GPC6: variants seen among roughly 807,000 people sequenced by gnomAD.
GPC6 encodes glypican 6.
A neutral mutation model predicts 55.2 loss-of-function variants in GPC6; 14 were observed. The ratio of observed to expected loss-of-function variants is 0.25; its 90% CI spans 0.17 to 0.40. The LOEUF is 0.40. GPC6 is among the 10% of genes least tolerant of loss of function. The pLI, the probability that GPC6 is intolerant of heterozygous loss-of-function variation, is 1.00. For missense variants in GPC6, 641 were observed against 708.5 expected, an observed-to-expected ratio of 0.90 and a Z score of 1.08; for synonymous variants, 278 against 259.6, an observed-to-expected ratio of 1.07 and a Z score of -0.68.
chr13:94,388,491 A>G (rs1250487141), intron 7 of GPC6, among the ~76,000 whole-genome samples: 1 of 152,238 alleles, frequency 6.6e-6, no homozygotes, highest in African/African-American at 2.4e-5. Flanking sequence ...CGCAATGCAG[A>G]ATATCATCCA....
intron 1 of GPC6, among the ~76,000 whole-genome samples, chr13:93,306,135 T>C (rs956586144): frequency 3.3e-5 from 5 of 152,188 alleles, no homozygotes; most frequent in Non-Finnish European, 7.4e-5. Flanking sequence ...TTCCAATGTA[T>C]GTTATTGACA....
chr13:93,939,261 T>C (rs1878600526), intron 3 of GPC6, among the ~76,000 whole-genome samples: 1 of 151,246 alleles, frequency 6.6e-6, no homozygotes, highest in African/African-American at 2.4e-5. Context: ...TCTTTAATGT[T>C]TTGAGAAAAA....
intron 1 of GPC6, among the ~76,000 whole-genome samples, chr13:93,354,892 C>T (rs1880790134): frequency 6.6e-6 from 1 of 152,100 alleles, no homozygotes; most frequent in Admixed American, 6.5e-5. Flanking sequence ...AAAGAGAAAT[C>T]CCAGGACCAG....
At chr13:94,025,297 A>C (rs1158562222) in intron 3 of GPC6, among the ~76,000 whole-genome samples, 1 of 152,244 alleles carries the variant, frequency 6.6e-6, no homozygotes, top group East Asian at 1.9e-4. Flanking sequence ...TTTGCAAGTT[A>C]GTAACCATGC....
intron 1 of GPC6, among the ~76,000 whole-genome samples, chr13:93,517,756 A>G (rs1881256024): frequency 6.6e-6 from 1 of 152,024 alleles, no homozygotes; most frequent in African/African-American, 2.4e-5. Flanking sequence ...AAGAGCTCTT[A>G]ATAACTCCAG....
At chr13:93,985,249 C>T (rs1280141273) in intron 3 of GPC6, among the ~76,000 whole-genome samples, 1 of 152,016 alleles carries the variant, frequency 6.6e-6, no homozygotes, top group East Asian at 1.9e-4. Context: ...CCTGGCCAAC[C>T]AACATGGTGA....
intron 1 of GPC6, among the ~76,000 whole-genome samples, chr13:93,405,753 T>C (rs926428938): frequency 6.6e-6 from 1 of 152,208 alleles, no homozygotes; most frequent in South Asian, 2.1e-4. Context: ...AGATATGTTA[T>C]ATAAGTTATC....
intron 4 of GPC6, among the ~76,000 whole-genome samples, chr13:94,189,918 G>A (rs1451247299): frequency 1.3e-5 from 2 of 152,058 alleles, no homozygotes; most frequent in African/African-American, 4.8e-5. Context: ...CTACTCAGGA[G>A]GCTGAGGCAG....
intron 3 of GPC6, among the ~76,000 whole-genome samples, chr13:93,833,144 AG>A: frequency 7.1e-6 from 1 of 140,558 alleles, no homozygotes; most frequent in African/African-American, 2.7e-5. Flanking sequence ...AGAGAGAGAG[AG>A]AGAGAGAGAG....
At chr13:94,174,487 G>A (rs1259519200) in intron 4 of GPC6, among the ~76,000 whole-genome samples, 1 of 152,132 alleles carries the variant, frequency 6.6e-6, no homozygotes, top group Non-Finnish European at 1.5e-5. Context: ...AGAGACAGAT[G>A]TAGGTGAACA....
chr13:93,315,008 T>A (rs1879200048), intron 1 of GPC6, among the ~76,000 whole-genome samples: 1 of 152,094 alleles, frequency 6.6e-6, no homozygotes, highest in African/African-American at 2.4e-5. Flanking sequence ...GTATTCAAGT[T>A]AAAAGTTGAA....
intron 4 of GPC6, among the ~76,000 whole-genome samples, chr13:94,112,435 C>A (rs1886281390): frequency 6.6e-6 from 1 of 152,186 alleles, no homozygotes; most frequent in South Asian, 2.1e-4. Context: ...AATTCGCACA[C>A]ACACTCATTA....
intron 4 of GPC6, among the ~76,000 whole-genome samples, chr13:94,148,415 G>A (rs1887631865): frequency 1.3e-5 from 2 of 152,106 alleles, no homozygotes; most frequent in Non-Finnish European, 2.9e-5. Flanking sequence ...TTGTTTACAA[G>A]GGTGTCCTGA....
intron 1 of GPC6, among the ~76,000 whole-genome samples, chr13:93,514,412 A>G (rs1881105994): frequency 6.6e-6 from 1 of 152,214 alleles, no homozygotes; most frequent in South Asian, 2.1e-4. Flanking sequence ...AATAACATTA[A>G]GGAACAAGAA....
chr13:93,789,945 A>G (rs1484311360), intron 2 of GPC6, among the ~76,000 whole-genome samples: 1 of 152,066 alleles, frequency 6.6e-6, no homozygotes, highest in Non-Finnish European at 1.5e-5. Context: ...AAACTCTTTG[A>G]ATATGCATTT....
intron 1 of GPC6, among the ~76,000 whole-genome samples, chr13:93,313,148 C>T (rs77476458): frequency 0.016 from 2,477 of 152,218 alleles, 101 homozygotes; most frequent in Admixed American, 0.097. Context: ...CTATTAGATG[C>T]TCTTGTTTTG....
chr13:93,422,338 TAAG>T (rs1194038868), intron 1 of GPC6, among the ~76,000 whole-genome samples: 12 of 152,232 alleles, frequency 7.9e-5, no homozygotes, highest in Admixed American at 6.5e-4. Context: ...TTTCTGTCTT[TAAG>T]CTCTTAAAGT....
chr13:94,094,639 A>G (rs1162768726), intron 4 of GPC6, among the ~76,000 whole-genome samples: 3 of 152,098 alleles, frequency 2.0e-5, no homozygotes, highest in Non-Finnish European at 4.4e-5. Context: ...ATGTACTTGT[A>G]TTTCTTATTA....
chr13:94,015,522 A>G (rs1246638467), intron 3 of GPC6, among the ~76,000 whole-genome samples: 2 of 152,142 alleles, frequency 1.3e-5, no homozygotes, highest in Non-Finnish European at 2.9e-5. Flanking sequence ...TTTCATTTTT[A>G]TGCATTTTTA....
Sources: allele counts gnomAD v4.1 joint callset (sites outside exome capture counted in the v4.1 genomes callset), GRCh38; gene constraint gnomAD v4.1.1; transcripts MANE v1.5; gene names NCBI Gene and HGNC (gene_info 2026-07-23, HGNC 2026-07-21).